The following PTPRT variants were observed in gnomAD, a reference collection of about 807,000 sequenced individuals.
PTPRT encodes the protein protein tyrosine phosphatase receptor type T, also known as receptor-type tyrosine-protein phosphatase T.
A neutral mutation model predicts 176.8 loss-of-function variants in PTPRT; 56 were observed. The ratio of observed to expected loss-of-function variants is 0.32; its 90% CI spans 0.26 to 0.40. PTPRT has a LOEUF of 0.40. Among genes scored for constraint, PTPRT ranks in the 10% least tolerant of loss-of-function variants. The probability of loss-of-function intolerance (pLI) is 1.00; values close to 1 mark genes in which losing one functional copy is unlikely to be tolerated. For synonymous variants in PTPRT, 783 were observed against 739.0 expected, an observed-to-expected ratio of 1.06 and a Z score of -0.96; for missense variants, 1,540 against 1,908.2, an observed-to-expected ratio of 0.81 and a Z score of 3.60.
At chr20:42,679,877 G>T (rs1313580655) in intron 6 of PTPRT, among the ~76,000 whole-genome samples, 1 of 152,154 alleles carries the variant, frequency 6.6e-6, no homozygotes, top group African/African-American at 2.4e-5. Flanking sequence ...TTTGTGCAAA[G>T]ACTTCAGTCT....
chr20:42,122,738 C>T (rs1241411014), intron 19 of PTPRT, among the ~76,000 whole-genome samples: 1 of 152,220 alleles, frequency 6.6e-6, no homozygotes, highest in Admixed American at 6.5e-5. Flanking sequence ...CTCTTGCACA[C>T]TGAGTGTGTT....
chr20:42,236,248 A>C lies in PTPRT; in HGVS notation c.2323T>G (p.Tyr775Asp). The change falls in exon 15 of 31, where the codon TAT (tyrosine) becomes GAT (aspartate). Residue 775 changes from tyrosine (Y) to aspartate (D), a missense_variant. Physicochemically the swap from Tyr to Asp is radical, Grantham distance 160. Around this residue, in one of 11 missense-constraint regions of PTPRT, gnomAD observed 255 missense variants for 250.1 expected, o/e 1.02. Transcript: ENST00000373187. Reference sequence around the variant, plus strand: ...ACTTACAAGTAATAGGAGTAGGAATAAGCATTTCTTCTATATATTGATGGG... The same window carrying C: ...ACTTACAAGTAATAGGAGTAGGAATCAGCATTTCTTCTATATATTGATGGG... ...MLTIKRRRNA[Y>D]SYSYYLKLAK... 6.2e-7 allele frequency: 1 copy of C among 1,604,008 alleles called. No individual in the cohort carries two copies. The highest frequency in any genetic ancestry group is 1.7e-4 in the Middle Eastern group (1 of 6,036).
At chr20:42,945,058 T>A (rs1444090200) in intron 1 of PTPRT, among the ~76,000 whole-genome samples, 1 of 148,894 alleles carries the variant, frequency 6.7e-6, no homozygotes, top group Non-Finnish European at 1.5e-5. Flanking sequence ...TATATAGTAT[T>A]TATATATACT....
rs575899440 is a variant in PTPRT, at chr20:42,718,657, T to G, written c.859+37805A>C. Among the ~76,000 whole-genome samples, 205 of 152,230 alleles carry G rather than the reference T, an allele frequency of 1.3e-3. 1 individual carries two copies. The highest frequency in any genetic ancestry group is 1.9e-3 in the Admixed American group (29 of 15,294). ...AATTTATGCTCTTATTTATATAAAA[T>G]TCAAAAACAGGGAAAATAATTCTAG... On this transcript the variant is annotated intron_variant, in intron 6 of 30. Coordinates refer to ENST00000373187, the MANE Select transcript of PTPRT (RefSeq NM_007050.6).
intron 2 of PTPRT, among the ~76,000 whole-genome samples, chr20:42,805,092 T>C (rs2077586205): frequency 6.6e-6 from 1 of 152,200 alleles, no homozygotes; most frequent in South Asian, 2.1e-4. Flanking sequence ...TCTGTAGAGA[T>C]GACGGAATAT....
chr20:42,040,948 A>G, the PTPRT span, among the ~76,000 whole-genome samples: 11 of 152,184 alleles, frequency 7.2e-5, no homozygotes, highest in Non-Finnish European at 1.5e-5. Flanking sequence ...CAGATTCTGT[A>G]CAAAGGTTTT....
chr20:42,665,780 C>T lies in PTPRT; in HGVS notation c.1153+12086G>A, dbSNP rs1375236184. On this transcript the variant is annotated intron_variant, in intron 7 of 30. Transcript: ENST00000373187. ...ATGCAGCCATAAAAAATGATGAGTTCCTGTCCTTTGTAGGGACATGGATGA... is the reference window on the plus strand; with the variant it reads ...ATGCAGCCATAAAAAATGATGAGTTTCTGTCCTTTGTAGGGACATGGATGA... Among the ~76,000 whole-genome samples the T allele has an allele frequency of 1.1e-4, 17 of 152,140 alleles. No homozygotes were observed. In the South Asian group the frequency reaches 2.9e-3, roughly 26 times the overall value.
At chr20:42,967,071 T>C (rs1377505475) in intron 1 of PTPRT, among the ~76,000 whole-genome samples, 1 of 152,156 alleles carries the variant, frequency 6.6e-6, no homozygotes, top group East Asian at 1.9e-4. Context: ...TAGCAGACGA[T>C]GAGTTTATTC....
intron 1 of PTPRT, among the ~76,000 whole-genome samples, chr20:42,892,770 G>A (rs2079217670): frequency 6.6e-6 from 1 of 152,234 alleles, no homozygotes; most frequent in Non-Finnish European, 1.5e-5. Context: ...TGAGACCACA[G>A]GACTGCGTCC....
intron 1 of PTPRT, among the ~76,000 whole-genome samples, chr20:43,154,607 G>T (rs775522352): frequency 2.6e-5 from 4 of 152,034 alleles, no homozygotes; most frequent in African/African-American, 9.7e-5. Context: ...GATTGCTTTG[G>T]GTAGTATAAA....
At chr20:43,094,355 G>A (rs2012025210) in intron 1 of PTPRT, among the ~76,000 whole-genome samples, 1 of 148,598 alleles carries the variant, frequency 6.7e-6, no homozygotes, top group Non-Finnish European at 1.5e-5. Flanking sequence ...CGAAGTGCTG[G>A]GATTACAGGC....
At chr20:43,187,322 C>T (rs1020869198) in intron 1 of PTPRT, among the ~76,000 whole-genome samples, 3 of 152,054 alleles carry the variant, frequency 2.0e-5, no homozygotes, top group Admixed American at 2.0e-4. Context: ...AAATAAAATA[C>T]TTTAAAGGAA....
At chr20:43,178,955 T>C (rs1049436438) in intron 1 of PTPRT, among the ~76,000 whole-genome samples, 7 of 152,188 alleles carry the variant, frequency 4.6e-5, no homozygotes, top group South Asian at 2.1e-4. Context: ...GGAACCATCA[T>C]ACATTGGTGC....
intron 8 of PTPRT, among the ~76,000 whole-genome samples, chr20:42,467,317 G>T (rs751049166): frequency 6.6e-6 from 1 of 152,172 alleles, no homozygotes; most frequent in Non-Finnish European, 1.5e-5. Flanking sequence ...CATTTACAGT[G>T]GAGGGACCGG....
chr20:42,418,232 T>C (rs2059084493), intron 9 of PTPRT, among the ~76,000 whole-genome samples: 3 of 152,226 alleles, frequency 2.0e-5, no homozygotes, highest in African/African-American at 7.2e-5. Context: ...AATTTTGGAT[T>C]ACATATTACT....
chr20:42,756,407 GGCCCATTAAT>G (rs1399032499), intron 6 of PTPRT, 45 bp downstream of exon 6: 142 of 1,439,854 alleles, frequency 9.9e-5, no homozygotes, highest in Non-Finnish European at 1.5e-5. Flanking sequence ...GGGGCTTTAA[GGCCCATTAAT>G]GCCAACCTTC....
chr20:42,838,173 C>T (rs1849152), intron 2 of PTPRT, among the ~76,000 whole-genome samples: 15,278 of 152,136 alleles, frequency 0.1, 1,073 homozygotes, highest in East Asian at 0.35. Flanking sequence ...ATTACAAGTG[C>T]CCACCACCAC....
chr20:42,052,300 G>A, the PTPRT span, among the ~76,000 whole-genome samples: 6 of 152,202 alleles, frequency 3.9e-5, no homozygotes, highest in Non-Finnish European at 5.9e-5. Context: ...AGACTCACAT[G>A]AGACCTATTT....
intron 1 of PTPRT, among the ~76,000 whole-genome samples, chr20:43,123,481 A>G (rs1409719701): frequency 6.6e-6 from 1 of 152,138 alleles, no homozygotes; most frequent in African/African-American, 2.4e-5. Context: ...AGTCCTCTTA[A>G]AAGAGAGAGA....
Sources: allele counts gnomAD v4.1 joint callset (sites outside exome capture counted in the v4.1 genomes callset), GRCh38; gene constraint gnomAD v4.1.1; regional missense constraint gnomAD v4.1.1; transcripts MANE v1.5; gene names NCBI Gene and HGNC (gene_info 2026-07-23, HGNC 2026-07-21).